PCDHGA9: variants seen among roughly 807,000 people sequenced by gnomAD.
PCDHGA9 encodes protocadherin gamma-A9.
Under a neutral mutation model 62.5 loss-of-function variants are expected in PCDHGA9, and 37 were observed. That is an observed-to-expected ratio of 0.59 (90% CI 0.46 to 0.78). PCDHGA9 has a LOEUF of 0.78. Ranked by LOEUF, PCDHGA9 falls within the 30% of genes least tolerant of loss-of-function variation. PCDHGA9 has a pLI of 0.00. For synonymous variants in PCDHGA9, 459 were observed against 484.6 expected (o/e 0.95, Z 0.69); for missense variants, 1,138 against 1,166.2 (o/e 0.98, Z 0.35).
At chr5:141,456,220 T>C (rs965297694) in intron 1 of PCDHGA9, among the ~76,000 whole-genome samples, 1 of 152,098 alleles carries the variant, frequency 6.6e-6, no homozygotes, top group Admixed American at 6.6e-5. Context: ...TGTGGCGATA[T>C]CAAACTAACT....
chr5:141,413,850 C>G (rs2095685833), intron 1 of PCDHGA9: 3 of 1,613,244 alleles, frequency 1.9e-6, no homozygotes, highest in East Asian at 2.2e-5. Context: ...GTGACCCTCT[C>G]CGATCTGGCA....
Position 141,491,730 on chromosome 5 carries a change from C to A in PCDHGA9, c.2425-3077C>A, listed in dbSNP as rs1346666614. ...GGGGCTCGGCGCCGCCCCGGGCGAC[C>A]CCTGGGGGCGGCACTGGAGAAGCCG... On this transcript the variant is annotated intron_variant, in intron 1 of 3. Coordinates refer to ENST00000573521, the MANE Select transcript of PCDHGA9 (RefSeq NM_018921.3). This position sits in a 1 kb window ranked among gnomAD's most constrained non-coding sequence, Gnocchi z 6.9. 3.1e-6 allele frequency: 5 copies of A among 1,603,920 alleles called. No individual in the cohort carries two copies. The East Asian group carries it at 6.7e-5, about 22-fold the overall frequency.
At chr5:141,430,815 T>A in intron 1 of PCDHGA9, 1 of 1,535,252 alleles carries the variant, frequency 6.5e-7, no homozygotes, top group Non-Finnish European at 8.7e-7. Flanking sequence ...CTGGGAATCC[T>A]CCTGGGGACT....
intron 1 of PCDHGA9, among the ~76,000 whole-genome samples, chr5:141,449,929 T>C (rs2098659723): frequency 6.6e-6 from 1 of 151,912 alleles, no homozygotes; most frequent in Non-Finnish European, 1.5e-5. Context: ...TACCATACCT[T>C]ATAGTATATT....
chr5:141,491,945 C>T lies in PCDHGA9; in HGVS notation c.2425-2862C>T. ...GAGGGGAGGTGGGACCGACCCCCAC[C>T]CCTACACTCAAAAAAGGCCGGGGCC... On this transcript the variant is annotated intron_variant, in intron 1 of 3. Coordinates refer to ENST00000573521, the MANE Select transcript of PCDHGA9 (RefSeq NM_018921.3). The surrounding 1 kb of genome is among the most constrained non-coding windows in gnomAD (Gnocchi z 6.9). 1.8e-6 allele frequency: 2 copies of T among 1,116,616 alleles called. No individual in the cohort carries two copies. 69.2% of individuals were successfully genotyped at this position (1,116,616 alleles called of 1,614,324 possible). A position where few individuals can be genotyped will look rare whatever the true frequency, so the allele number is the denominator to read the frequency against.
In PCDHGA9 at chr5:141,504,261, A is replaced by AT. The variant is rs144925096; in HGVS notation, c.2484-1125dup. Among the ~76,000 whole-genome samples the AT allele has an allele frequency of 3.8e-3, 573 of 152,258 alleles. 3 individuals are homozygous for AT. The highest frequency in any genetic ancestry group is 0.012 in the African/African-American group (514 of 41,556). ...CAGAGAGTTCTTCTTATGGTTTAGT[A>AT]TTTTTTTAAATTATGAATCATTTCA... On this transcript the variant is annotated intron_variant, in intron 2 of 3. Transcript: ENST00000573521.
Position 141,485,835 on chromosome 5 carries a change from C to T in PCDHGA9, c.2425-8972C>T, listed in dbSNP as rs747722740. On this transcript the variant is annotated intron_variant, in intron 1 of 3. Transcript: ENST00000573521. This position sits in a 1 kb window ranked among gnomAD's most constrained non-coding sequence, Gnocchi z 5.7. ...ACTGCTGTCGATGGAGGGAACCCGC[C>T]GAGATCTGGCACCGCAGAGCTCCGG... 6.2e-7 allele frequency: 1 copy of T among 1,614,190 alleles called. No homozygotes were observed. Among genetic ancestry groups the T allele is most frequent in the Non-Finnish European group, 8.5e-7 (1 of 1,180,048 alleles).
Position 141,485,046 on chromosome 5 carries a change from G to A in PCDHGA9, c.2425-9761G>A. On this transcript the variant is annotated intron_variant, in intron 1 of 3. Transcript: ENST00000573521. This position sits in a 1 kb window ranked among gnomAD's most constrained non-coding sequence, Gnocchi z 5.7. ...AAAAACGGCGCGTAACCCTTGCGGCGCCGGCCGAACCGCGCCAGAGCTGGC... is the reference window on the plus strand; with the variant it reads ...AAAAACGGCGCGTAACCCTTGCGGCACCGGCCGAACCGCGCCAGAGCTGGC... 2 of 750,304 alleles carry A rather than the reference G, an allele frequency of 2.7e-6. No individual in the cohort carries two copies. The highest frequency in any genetic ancestry group is 4.5e-6 in the Non-Finnish European group (2 of 443,046). The allele number at this position is 750,304 out of a possible 1,614,324, so 46.5% of individuals were successfully genotyped here. A position where few individuals can be genotyped will look rare whatever the true frequency, so the allele number is the denominator to read the frequency against.
chr5:141,469,880 C>T (rs774827232), intron 1 of PCDHGA9, among the ~76,000 whole-genome samples: 7 of 152,210 alleles, frequency 4.6e-5, no homozygotes, highest in East Asian at 1.9e-4. Flanking sequence ...CCTGTAATCT[C>T]GGCACTTTGG....
intron 1 of PCDHGA9, among the ~76,000 whole-genome samples, chr5:141,430,411 C>T (rs879587751): frequency 3.3e-5 from 5 of 150,942 alleles, no homozygotes; most frequent in African/African-American, 1.2e-4. Flanking sequence ...ACTAAAGTTT[C>T]TATTAAAGCG....
intron 1 of PCDHGA9, chr5:141,430,905 C>T: frequency 6.2e-7 from 1 of 1,606,922 alleles, no homozygotes; most frequent in Non-Finnish European, 8.5e-7. Context: ...GGCGACATCT[C>T]CAGGGACCTG....
intron 2 of PCDHGA9, among the ~76,000 whole-genome samples, chr5:141,504,451 G>A (rs2099838355): frequency 1.3e-5 from 2 of 152,070 alleles, no homozygotes; most frequent in South Asian, 4.2e-4. Context: ...CTAGTGCCAT[G>A]TGGGGCAGCC....
intron 1 of PCDHGA9, among the ~76,000 whole-genome samples, chr5:141,474,511 C>T (rs2099350824): frequency 6.6e-6 from 1 of 152,202 alleles, no homozygotes; most frequent in Non-Finnish European, 1.5e-5. Context: ...TATCAGCCCT[C>T]TTGCTGGTCT....
At chr5:141,433,257 G>C (rs764036349) in intron 1 of PCDHGA9, 3 of 1,385,416 alleles carry the variant, frequency 2.2e-6, no homozygotes, top group Non-Finnish European at 3.0e-6. Flanking sequence ...GCAGCGGTAC[G>C]ATCATAGCTC....
intron 1 of PCDHGA9, chr5:141,419,895 C>G (rs1209315374): frequency 6.2e-7 from 1 of 1,613,916 alleles, no homozygotes; most frequent in Non-Finnish European, 8.5e-7. Context: ...AGCGACCATC[C>G]CACACCCTCT....
Position 141,405,370 on chromosome 5 carries a change from G to T in PCDHGA9, c.2418G>T (p.Leu806Phe), listed in dbSNP as rs2094649512. 6.2e-7 allele frequency: 1 copy of T among 1,606,236 alleles called. No individual in the cohort carries two copies. Among genetic ancestry groups the T allele is most frequent in the Non-Finnish European group, 8.5e-7 (1 of 1,177,940 alleles). Residue 806 changes from leucine to phenylalanine, a missense_variant, in exon 1 of 4, where the codon TTG becomes TTT. Leu to Phe is a conservative substitution (Grantham distance 22). Transcript: ENST00000573521. ...DSKFPIEDTPLVPQAPPNTDW... is the reference protein window; with the variant it reads ...DSKFPIEDTPFVPQAPPNTDW... ...AGTTTCCTATAGAAGACACCCCTTTGGTTCCGGTGAGTTCATTTTTTTTCT... is the reference window on the plus strand; with the variant it reads ...AGTTTCCTATAGAAGACACCCCTTTTGTTCCGGTGAGTTCATTTTTTTTCT...
chr5:141,418,411 C>T, intron 1 of PCDHGA9: 1 of 1,613,986 alleles, frequency 6.2e-7, no homozygotes, highest in East Asian at 2.2e-5. Flanking sequence ...TGGAGAAAGA[C>T]AATCCTGATG....
At chr5:141,501,600 C>G (rs1320824291) in intron 2 of PCDHGA9, among the ~76,000 whole-genome samples, 1 of 152,040 alleles carries the variant, frequency 6.6e-6, no homozygotes, top group Admixed American at 6.6e-5. Flanking sequence ...TCTACCAGTT[C>G]CAGCTGTGTG....
rs1445565178 is a variant in PCDHGA9, at chr5:141,405,261, T to A, written c.2309T>A (p.Phe770Tyr). Reference protein sequence around the residue: ...TADSRKSHLIFPQPNYADTLI... With the variant: ...TADSRKSHLIYPQPNYADTLI... Reference sequence around the variant, plus strand: ...GACTCAAGGAAGAGTCACCTGATCTTCCCCCAGCCCAACTATGCAGACACA... The same window carrying A: ...GACTCAAGGAAGAGTCACCTGATCTACCCCCAGCCCAACTATGCAGACACA... The change falls in exon 1 of 4, where the codon TTC becomes TAC. Residue 770 changes from phenylalanine (F) to tyrosine (Y), a missense_variant. Transcript: ENST00000573521. The A allele has an allele frequency of 6.2e-7, 1 of 1,613,852 alleles. No homozygotes were observed. The highest frequency in any genetic ancestry group is 1.1e-5 in the South Asian group (1 of 91,052).
Sources: allele counts gnomAD v4.1 joint callset (sites outside exome capture counted in the v4.1 genomes callset), GRCh38; gene constraint gnomAD v4.1.1; non-coding constraint Gnocchi (gnomAD v3.1); transcripts MANE v1.5; gene names NCBI Gene and HGNC (gene_info 2026-07-23, HGNC 2026-07-21).